Variants in PDZRN4 observed in about 807,000 individuals in gnomAD.
PDZRN4 encodes PDZ domain containing ring finger 4, also known as PDZ domain-containing RING finger protein 4.
A neutral mutation model predicts 99.0 loss-of-function variants in PDZRN4; 70 were observed. The observed-to-expected ratio is 0.71, with a 90% CI of 0.58 to 0.86. The LOEUF (loss-of-function observed/expected upper bound fraction) is 0.86. Among genes scored for constraint, PDZRN4 ranks in the 40% least tolerant of loss-of-function variants. The probability of loss-of-function intolerance (pLI) is 0.00; values close to 1 mark genes in which losing one functional copy is unlikely to be tolerated. For missense variants in PDZRN4, 1,474 were observed against 1,331.2 expected, an observed-to-expected ratio of 1.11 and a Z score of -1.67; for synonymous variants, 551 against 501.6, an observed-to-expected ratio of 1.10 and a Z score of -1.32.
chr12:41,543,113 T>C (rs538118312), intron 5 of PDZRN4, among the ~76,000 whole-genome samples: 2 of 152,284 alleles, frequency 1.3e-5, no homozygotes, highest in East Asian at 3.9e-4. Context: ...ACTGAACTTC[T>C]CACCCTCCAT....
intron 7 of PDZRN4, among the ~76,000 whole-genome samples, chr12:41,559,541 T>G (rs570145460): frequency 3.3e-5 from 5 of 152,186 alleles, no homozygotes; most frequent in Non-Finnish European, 5.9e-5. Flanking sequence ...CTCCTTGGGA[T>G]GGTAAACCTG....
chr12:41,369,689 A>G (rs1952027013), intron 3 of PDZRN4, among the ~76,000 whole-genome samples: 1 of 152,052 alleles, frequency 6.6e-6, no homozygotes, highest in Admixed American at 6.6e-5. Context: ...TAAAGTATAC[A>G]TGTAAGTCAT....
At chr12:41,567,040 G>A (rs866338367) in intron 8 of PDZRN4, among the ~76,000 whole-genome samples, 1 of 152,098 alleles carries the variant, frequency 6.6e-6, no homozygotes, top group Non-Finnish European at 1.5e-5. Context: ...TGCATTAAGA[G>A]TCCTACAAGA....
At chr12:41,568,331 T>A (rs770626042) in intron 9 of PDZRN4, among the ~76,000 whole-genome samples, 4 of 152,232 alleles carry the variant, frequency 2.6e-5, no homozygotes, top group African/African-American at 9.6e-5. Context: ...GATGACATGA[T>A]GTAAGCCATC....
chr12:41,541,050 G>C lies in PDZRN4; in HGVS notation c.1204-11606G>C, dbSNP rs181295008. On this transcript the variant is annotated intron_variant, in intron 5 of 9. Transcript: ENST00000402685. ...CGCCATTCTCCTACCTCAGCCTCCC[G>C]AGTAGCTGGGACTACAGGCACCCAC... Among the ~76,000 whole-genome samples the C allele has an allele frequency of 5.5e-3, 843 of 151,932 alleles. 7 individuals are homozygous for C. The highest frequency in any genetic ancestry group is 0.019 in the African/African-American group (783 of 41,440).
chr12:41,570,738 T>G (rs1939457780), intron 9 of PDZRN4, among the ~76,000 whole-genome samples: 1 of 152,200 alleles, frequency 6.6e-6, no homozygotes. Flanking sequence ...CATTGCCATA[T>G]TAAATACTAT....
intron 3 of PDZRN4, among the ~76,000 whole-genome samples, chr12:41,495,381 G>A (rs1048730564): frequency 7.2e-5 from 11 of 151,964 alleles, no homozygotes; most frequent in South Asian, 2.1e-4. Context: ...ATTTCTGCAC[G>A]GTGTGGATTA....
At chr12:41,520,415 A>G (rs1340254242) in intron 5 of PDZRN4, among the ~76,000 whole-genome samples, 1 of 152,084 alleles carries the variant, frequency 6.6e-6, no homozygotes, top group Non-Finnish European at 1.5e-5. Context: ...AGCAATGACT[A>G]AATCTTAAAG....
intron 3 of PDZRN4, among the ~76,000 whole-genome samples, chr12:41,321,456 A>T (rs1951677006): frequency 6.6e-6 from 1 of 152,330 alleles, no homozygotes; most frequent in East Asian, 1.9e-4. Flanking sequence ...TTCCTTTGTG[A>T]CATTATTCCT....
chr12:41,510,700 T>C (rs936109550), intron 5 of PDZRN4, among the ~76,000 whole-genome samples: 2 of 152,114 alleles, frequency 1.3e-5, no homozygotes, highest in African/African-American at 4.8e-5. Flanking sequence ...TCATACAAGT[T>C]CAGCAAAGTG....
Position 41,384,669 on chromosome 12 carries a change from T to G in PDZRN4, c.844-121787T>G, listed in dbSNP as rs1367233417. Reference sequence around the variant, plus strand: ...TTCTTGGCTTGTGAGGCCCTTTTCTTAGCTCTCAAAAGGTTGTATAGTGTA... The same window carrying G: ...TTCTTGGCTTGTGAGGCCCTTTTCTGAGCTCTCAAAAGGTTGTATAGTGTA... On this transcript the variant is annotated intron_variant, in intron 3 of 9. Coordinates refer to ENST00000402685, the MANE Select transcript of PDZRN4 (RefSeq NM_001164595.2). Among the ~76,000 whole-genome samples, 4 of 152,232 alleles carry G rather than the reference T, an allele frequency of 2.6e-5. No individual in the cohort carries two copies. The East Asian group carries it at 7.7e-4, about 29-fold the overall frequency.
chr12:41,387,585 C>T (rs1436510678), intron 3 of PDZRN4, among the ~76,000 whole-genome samples: 1 of 151,986 alleles, frequency 6.6e-6, no homozygotes, highest in African/African-American at 2.4e-5. Context: ...GAGCAAGACT[C>T]CAACAACAAC....
intron 3 of PDZRN4, among the ~76,000 whole-genome samples, chr12:41,331,078 A>T (rs571644899): frequency 6.6e-6 from 1 of 152,280 alleles, no homozygotes; most frequent in East Asian, 1.9e-4. Context: ...CTAACATCGC[A>T]AATTGCAAAT....
At chr12:41,235,736 G>A (rs1026383008) in intron 3 of PDZRN4, among the ~76,000 whole-genome samples, 16 of 152,148 alleles carry the variant, frequency 1.1e-4, no homozygotes, top group Non-Finnish European at 1.8e-4. Flanking sequence ...GGCCTCAGGG[G>A]CCATTTGGCA....
chr12:41,313,262 T>C (rs1951618744), intron 3 of PDZRN4, among the ~76,000 whole-genome samples: 3 of 152,206 alleles, frequency 2.0e-5, no homozygotes, highest in Non-Finnish European at 4.4e-5. Flanking sequence ...CCATCCTTCA[T>C]CTGTTACAAA....
At chr12:41,557,247 C>T (rs1451664039) in intron 7 of PDZRN4, among the ~76,000 whole-genome samples, 2 of 151,034 alleles carry the variant, frequency 1.3e-5, no homozygotes, top group Non-Finnish European at 3.0e-5. Flanking sequence ...ACCAGAGGTG[C>T]TTTGGGATGG....
chr12:41,346,245 G>C (rs1354558235), intron 3 of PDZRN4, among the ~76,000 whole-genome samples: 1 of 152,068 alleles, frequency 6.6e-6, no homozygotes, highest in Non-Finnish European at 1.5e-5. Context: ...GGCAGATCAC[G>C]AGGTCAGGAG....
intron 3 of PDZRN4, among the ~76,000 whole-genome samples, chr12:41,465,289 C>T (rs1045580395): frequency 1.3e-5 from 2 of 152,016 alleles, no homozygotes; most frequent in Admixed American, 1.3e-4. Context: ...TTATATTGGA[C>T]AAATATGGAA....
chr12:41,414,805 C>G (rs1315935435), intron 3 of PDZRN4, among the ~76,000 whole-genome samples: 1 of 151,860 alleles, frequency 6.6e-6, no homozygotes, highest in Non-Finnish European at 1.5e-5. Context: ...TCATTTTGAG[C>G]CAGAGGAAAG....
Sources: gnomAD v4.1 joint callset for allele counts (sites outside exome capture counted in the v4.1 genomes callset) on GRCh38, gnomAD v4.1.1 for gene constraint, MANE v1.5 for transcripts, NCBI Gene and HGNC (gene_info 2026-07-23, HGNC 2026-07-21) for gene names.